HGD: variants seen among roughly 807,000 people sequenced by gnomAD.
The protein encoded by HGD is homogentisate 1,2-dioxygenase, also known as homogentisate oxidase.
Under a neutral mutation model 60.8 loss-of-function variants are expected in HGD, and 61 were observed. That is an observed-to-expected ratio of 1.00 (90% CI 0.82 to 1.24). The LOEUF is 1.24. HGD is among the 50% of genes most tolerant of loss of function. The pLI, the probability that HGD is intolerant of heterozygous loss-of-function variation, is 0.00. For synonymous variants in HGD, 212 were observed against 187.7 expected, an observed-to-expected ratio of 1.13 and a Z score of -1.06; for missense variants, 542 against 547.1, an observed-to-expected ratio of 0.99 and a Z score of 0.09.
chr3:120,636,764 C>T (rs1007108178), intron 12 of HGD, among the ~76,000 whole-genome samples: 10 of 152,158 alleles, frequency 6.6e-5, no homozygotes, highest in Non-Finnish European at 1.2e-4. Context: ...GAGTGGCCTA[C>T]GTCCATCCTA....
At chr3:120,661,375 T>G (rs1162611772) in intron 4 of HGD, among the ~76,000 whole-genome samples, 1 of 152,192 alleles carries the variant, frequency 6.6e-6, no homozygotes, top group East Asian at 1.9e-4. Context: ...TCTAATCCCC[T>G]TATATTAATT....
At chr3:120,678,041 T>C (rs577202291) in intron 1 of HGD, 1 of 152,356 alleles carries the variant, frequency 6.6e-6, no homozygotes, top group East Asian at 1.9e-4. Context: ...TAGGAAGCAA[T>C]GGAAGTGAAA....
intron 4 of HGD, among the ~76,000 whole-genome samples, chr3:120,667,728 C>A (rs1282149336): frequency 6.6e-6 from 1 of 152,136 alleles, no homozygotes; most frequent in Admixed American, 6.6e-5. Flanking sequence ...TGGAACTCCC[C>A]AGCCTACCCT....
intron 12 of HGD, among the ~76,000 whole-genome samples, chr3:120,637,089 G>C (rs1940806099): frequency 6.6e-6 from 1 of 152,088 alleles, no homozygotes; most frequent in Non-Finnish European, 1.5e-5. Flanking sequence ...GTACAGCCGT[G>C]AAGTACTTTA....
chr3:120,656,919 C>T (rs900659502), intron 4 of HGD, among the ~76,000 whole-genome samples: 11 of 152,200 alleles, frequency 7.2e-5, no homozygotes, highest in Non-Finnish European at 1.2e-4. Context: ...TTCTAAAAGT[C>T]CAAAGGTAAA....
At chr3:120,664,812 A>T (rs1274285320) in intron 4 of HGD, among the ~76,000 whole-genome samples, 1 of 152,232 alleles carries the variant, frequency 6.6e-6, no homozygotes, top group East Asian at 1.9e-4. Flanking sequence ...ACAAAAAGAA[A>T]GGACTGGAAA....
intron 10 of HGD, among the ~76,000 whole-genome samples, chr3:120,643,888 G>T (rs1417731965): frequency 2.0e-5 from 3 of 152,186 alleles, no homozygotes; most frequent in East Asian, 1.9e-4. Flanking sequence ...TTGTAGAATT[G>T]CTTGTATTTG....
chr3:120,681,481 G>A (rs985077768), intron 1 of HGD, among the ~76,000 whole-genome samples: 1 of 152,188 alleles, frequency 6.6e-6, no homozygotes. Flanking sequence ...GCAAATCATA[G>A]TCTCTCCAAG....
chr3:120,644,428 GC>G lies in HGD; in HGVS notation c.664del (p.Ala222ProfsTer7). 1 of 1,614,052 alleles carries G rather than the reference GC, an allele frequency of 6.2e-7. No homozygotes were observed. Among genetic ancestry groups the G allele is most frequent in the African/African-American group, 1.3e-5 (1 of 75,030 alleles). ...DLGPIGANGLANPRDFLIPIA... is the reference protein window; with the variant it reads ...DLGPIGANGLXNPRDFLIPIA... ...GGGTATCAAGAAATCACGAGGATTG[GC>G]CAAGCCATTGGCCCCTAGAAAACAG... On this transcript the variant is annotated frameshift_variant, in exon 10 of 14. Coordinates refer to ENST00000283871, the MANE Select transcript of HGD (RefSeq NM_000187.4). LOFTEE classifies it high-confidence loss of function.
At chr3:120,633,493 A>G (rs892975473) in intron 12 of HGD, 165 bp from the exon 13 acceptor site, 1 of 1,527,216 alleles carries the variant, frequency 6.5e-7, no homozygotes, top group African/African-American at 1.4e-5. Flanking sequence ...ATCATAAAAC[A>G]TTCATATTGG....
intron 4 of HGD, among the ~76,000 whole-genome samples, chr3:120,663,814 CA>C (rs1451928098): frequency 2.0e-5 from 3 of 151,338 alleles, no homozygotes; most frequent in East Asian, 1.9e-4. Flanking sequence ...AATATAATAT[CA>C]AAAATATCTA....
intron 5 of HGD, among the ~76,000 whole-genome samples, chr3:120,651,440 ACCTGC>A (rs1344978512): frequency 9.9e-5 from 15 of 152,150 alleles, no homozygotes; most frequent in Non-Finnish European, 1.6e-4. Context: ...TCAGCCCCAA[ACCTGC>A]AGATGGAGAG....
intron 11 of HGD, among the ~76,000 whole-genome samples, chr3:120,638,937 C>G (rs1214752785): frequency 6.6e-6 from 1 of 152,078 alleles, no homozygotes; most frequent in East Asian, 1.9e-4. Flanking sequence ...GTGAATAAGT[C>G]TCACAAGATC....
rs948547270 is a variant in HGD, at chr3:120,682,181, T to C, written c.-70A>G. ...AGAGGATATAAAGCCACAATGCTTC[T>C]TTCTCCTTCAAACCACTCTTTGGAT... On this transcript the variant is annotated 5_prime_UTR_variant, in exon 1 of 14. Coordinates refer to ENST00000283871, the MANE Select transcript of HGD (RefSeq NM_000187.4). 2.7e-6 allele frequency: 4 copies of C among 1,472,258 alleles called. No individual in the cohort carries two copies. The African/African-American group carries it at 4.2e-5, about 15-fold the overall frequency. The allele number at this position is 1,472,258 out of a possible 1,614,324, so 91.2% of individuals were successfully genotyped here. A position where few individuals can be genotyped will look rare whatever the true frequency, so the allele number is the denominator to read the frequency against.
chr3:120,628,370 TGTTCCAGTCTCAATTAG>T lies in HGD; in HGVS notation c.1331_*9del, dbSNP rs769047525. ...AATCTACTCTTAATTATGGTAGCAA[TGTTCCAGTCTCAATTAG>T]GTTCTGCTGGGTTCCTGGAGTTGGG... On this transcript the variant is annotated stop_lost and 3_prime_UTR_variant, in exon 14 of 14. Transcript: ENST00000283871. 2 of 1,613,378 alleles carry T rather than the reference TGTTCCAGTCTCAATTAG, an allele frequency of 1.2e-6. No individual in the cohort carries two copies. The highest frequency in any genetic ancestry group is 1.7e-6 in the Non-Finnish European group (2 of 1,179,482).
rs559060241 is a variant in HGD at position 120,667,198 on chromosome 3, C to T, written c.282+3229G>A. ...AAAATTAGCTGGCCATTGTGGTGCA[C>T]ACCTGTATTCCCAGCTACTCAGGGG... On this transcript the variant is annotated intron_variant, in intron 4 of 13. Coordinates refer to ENST00000283871, the MANE Select transcript of HGD (RefSeq NM_000187.4). Among the ~76,000 whole-genome samples the T allele has an allele frequency of 1.7e-4, 26 of 151,790 alleles. 1 individual carries two copies. The highest frequency in any genetic ancestry group is 6.3e-4 in the African/African-American group (26 of 41,392).
At chr3:120,644,682 T>A (rs1941105194) in intron 9 of HGD, 1 of 1,371,740 alleles carries the variant, frequency 7.3e-7, no homozygotes, top group African/African-American at 1.4e-5. Context: ...TGACTATGGT[T>A]AACAAAACAA....
chr3:120,646,951 G>A, intron 8 of HGD, 22 bp downstream of exon 8: 3 of 1,585,134 alleles, frequency 1.9e-6, no homozygotes, highest in Non-Finnish European at 2.6e-6. Flanking sequence ...AGGCAGGGAA[G>A]AGAAGGGGAC....
intron 4 of HGD, among the ~76,000 whole-genome samples, chr3:120,664,312 G>C (rs1271920625): frequency 6.6e-6 from 1 of 152,052 alleles, no homozygotes; most frequent in Non-Finnish European, 1.5e-5. Context: ...TTTAAAAAGT[G>C]TTGCTGTGGG....
Sources: gnomAD v4.1 joint callset for allele counts (sites outside exome capture counted in the v4.1 genomes callset) on GRCh38, gnomAD v4.1.1 for gene constraint, MANE v1.5 for transcripts, NCBI Gene and HGNC (gene_info 2026-07-23, HGNC 2026-07-21) for gene names.